MGAT4C: variants seen among roughly 807,000 people sequenced by gnomAD.
MGAT4C encodes the protein MGAT4 family member C, also known as alpha-1,3-mannosyl-glycoprotein 4-beta-N-acetylglucosaminyltransferase C.
MGAT4C carries 19 observed loss-of-function variants against 40.1 expected under a neutral mutation model. The observed-to-expected ratio is 0.47, with a 90% CI of 0.33 to 0.70. MGAT4C has a LOEUF of 0.70. Ranked by LOEUF, MGAT4C falls within the 30% of genes least tolerant of loss-of-function variation. The pLI is 0.02. For missense variants in MGAT4C, 491 were observed against 563.2 expected, an observed-to-expected ratio of 0.87 and a Z score of 1.30; for synonymous variants, 181 against 187.1, an observed-to-expected ratio of 0.97 and a Z score of 0.27.
intron 2 of MGAT4C, among the ~76,000 whole-genome samples, chr12:86,661,553 T>C (rs1963980611): frequency 6.6e-6 from 1 of 152,080 alleles, no homozygotes; most frequent in South Asian, 2.1e-4. Context: ...TAGAAAACAT[T>C]AGTTGATGAA....
intron 3 of MGAT4C, among the ~76,000 whole-genome samples, chr12:86,397,618 T>G (rs954238125): frequency 6.6e-6 from 1 of 152,086 alleles, no homozygotes; most frequent in Non-Finnish European, 1.5e-5. Flanking sequence ...GTATATTAGC[T>G]CCTCATTAAA....
Position 85,973,952 on chromosome 12 carries a change from C to A in MGAT4C, c.*5337G>T, listed in dbSNP as rs1217189523. 6.6e-6 allele frequency: 1 copy of A among 150,850 alleles called. No homozygotes were observed. 9.3% of individuals were successfully genotyped at this position (150,850 alleles called of 1,614,324 possible). A position where few individuals can be genotyped will look rare whatever the true frequency, so the allele number is the denominator to read the frequency against. ...AATATTGGGATTATTGAAGCAAATT[C>A]TACCCTGGACTTGGAGTAAATGTGA... On this transcript the variant is annotated 3_prime_UTR_variant, in exon 5 of 5. Coordinates refer to ENST00000611864, the MANE Select transcript of MGAT4C (RefSeq NM_001351288.2).
chr12:86,774,331 C>CTTTCTTTCTT (rs1555227805), intron 1 of MGAT4C, among the ~76,000 whole-genome samples: 1 of 106,732 alleles, frequency 9.4e-6, no homozygotes, highest in Admixed American at 1.1e-4. Flanking sequence ...TTCTTTCTTT[C>CTTTCTTTCTT]TTTCTTTCTG....
chr12:86,044,128 G>T (rs1368774228), intron 2 of MGAT4C, among the ~76,000 whole-genome samples: 1 of 152,188 alleles, frequency 6.6e-6, no homozygotes, highest in African/African-American at 2.4e-5. Context: ...CTTTCTGGAA[G>T]ATTTTAGGGG....
At chr12:86,299,168 T>G (rs1254087522) in intron 4 of MGAT4C, among the ~76,000 whole-genome samples, 2 of 152,170 alleles carry the variant, frequency 1.3e-5, no homozygotes, top group Non-Finnish European at 2.9e-5. Context: ...CAGGCTGGAG[T>G]GCAGTGGCGC....
chr12:86,782,242 C>T (rs1400623856), intron 1 of MGAT4C, among the ~76,000 whole-genome samples: 1 of 117,038 alleles, frequency 8.5e-6, no homozygotes. Context: ...AGTGCAGTGG[C>T]GGGATCTCGG....
At chr12:86,223,584 C>A (rs1312428320) in intron 1 of MGAT4C, among the ~76,000 whole-genome samples, 6 of 152,150 alleles carry the variant, frequency 3.9e-5, no homozygotes, top group Admixed American at 2.0e-4. Flanking sequence ...GATTACTCAC[C>A]CAGCAGCCTG....
At chr12:86,715,600 C>G (rs1466800003) in intron 2 of MGAT4C, among the ~76,000 whole-genome samples, 2 of 152,036 alleles carry the variant, frequency 1.3e-5, no homozygotes, top group Non-Finnish European at 2.9e-5. Flanking sequence ...ATTTAAGACC[C>G]AAGCTTCAAT....
chr12:86,711,398 A>G (rs1252995061), intron 2 of MGAT4C, among the ~76,000 whole-genome samples: 1 of 152,016 alleles, frequency 6.6e-6, no homozygotes, highest in Non-Finnish European at 1.5e-5. Flanking sequence ...ACTCATATTT[A>G]CGGGGAGATG....
At position 86,445,189 on chromosome 12, in the gene MGAT4C, CA is replaced by C. The variant is rs78234628; in HGVS notation, c.-228-9925del. Among the ~76,000 whole-genome samples the C allele has an allele frequency of 7.9e-3, 1,198 of 152,136 alleles. 23 individuals are homozygous for C. The highest frequency in any genetic ancestry group is 0.063 in the East Asian group (324 of 5,178). ...TAAATATGTGTAGCCTAATTTATGC[CA>C]ATTATACTGCAAATATGACATTTAT... is the stretch of plus-strand genomic sequence containing the variant. On this transcript the variant is annotated intron_variant, in intron 2 of 7. Coordinates refer to the MGAT4C transcript ENST00000548651.
chr12:86,050,120 G>C (rs1892753287), intron 1 of MGAT4C, among the ~76,000 whole-genome samples: 1 of 151,876 alleles, frequency 6.6e-6, no homozygotes, highest in Non-Finnish European at 1.5e-5. Context: ...AAGTACTTCA[G>C]TCCGTATCAC....
chr12:86,380,174 A>T (rs1955902241), intron 3 of MGAT4C, among the ~76,000 whole-genome samples: 1 of 152,140 alleles, frequency 6.6e-6, no homozygotes, highest in African/African-American at 2.4e-5. Context: ...ATAATACTTG[A>T]TCTACATCAC....
intron 2 of MGAT4C, among the ~76,000 whole-genome samples, chr12:86,482,468 G>A (rs920823395): frequency 7.2e-5 from 11 of 151,920 alleles, no homozygotes; most frequent in South Asian, 4.2e-4. Flanking sequence ...TCGGGATAAG[G>A]ATAATCTCTT....
chr12:86,171,144 G>T (rs1269416642), intron 1 of MGAT4C, among the ~76,000 whole-genome samples: 1 of 142,892 alleles, frequency 7.0e-6, no homozygotes, highest in African/African-American at 2.5e-5. Context: ...GGCCGAAGTG[G>T]GTGGATCACG....
At chr12:85,981,353 C>T (rs1884584325) in intron 4 of MGAT4C, among the ~76,000 whole-genome samples, 1 of 152,132 alleles carries the variant, frequency 6.6e-6, no homozygotes, top group Non-Finnish European at 1.5e-5. Flanking sequence ...TTCTAAGCCA[C>T]TATTTAGAAA....
intron 2 of MGAT4C, among the ~76,000 whole-genome samples, chr12:86,577,030 T>G (rs1295130630): frequency 6.6e-6 from 1 of 151,648 alleles, no homozygotes; most frequent in Non-Finnish European, 1.5e-5. Flanking sequence ...AGAGCTCTTC[T>G]TTTGTTATGT....
Position 86,537,810 on chromosome 12 carries a change from G to T in MGAT4C, c.-228-102545C>A, listed in dbSNP as rs1352200925. Among the ~76,000 whole-genome samples the T allele has an allele frequency of 4.6e-5, 7 of 152,146 alleles. No individual in the cohort carries two copies. In the South Asian group the frequency reaches 1.2e-3, roughly 27 times the overall value. On this transcript the variant is annotated intron_variant, in intron 2 of 7. Coordinates refer to the MGAT4C transcript ENST00000548651. ...GATACAAATAATTTTTTTTGGGCCA[G>T]GTGTGGTGGCTCATGCCTGTAATCC...
intron 3 of MGAT4C, among the ~76,000 whole-genome samples, chr12:86,425,710 T>C (rs1337966765): frequency 1.3e-5 from 2 of 152,162 alleles, no homozygotes; most frequent in Non-Finnish European, 2.9e-5. Context: ...AGCCAAAATC[T>C]TGCACCAGCC....
Position 85,959,024 on chromosome 12 carries a change from A to G in MGAT4C, c.*20265T>C. ...TGTTATTAAATCTCTGGTAACCACTATACAATACAATACAATACAATACAA... is the reference window on the plus strand; with the variant it reads ...TGTTATTAAATCTCTGGTAACCACTGTACAATACAATACAATACAATACAA... On this transcript the variant is annotated 3_prime_UTR_variant, in exon 5 of 5. Coordinates refer to ENST00000611864, the MANE Select transcript of MGAT4C (RefSeq NM_001351288.2). 1 of 30,862 alleles carries G rather than the reference A, an allele frequency of 3.2e-5. No individual in the cohort carries two copies. Among genetic ancestry groups the G allele is most frequent in the South Asian group, 6.8e-4 (1 of 1,468 alleles). The allele number at this position is 30,862 out of a possible 1,614,324, so 1.9% of individuals were successfully genotyped here.
Sources: gnomAD v4.1 joint callset for allele counts (sites outside exome capture counted in the v4.1 genomes callset) on GRCh38, gnomAD v4.1.1 for gene constraint, MANE v1.5 for transcripts, NCBI Gene and HGNC (gene_info 2026-07-23, HGNC 2026-07-21) for gene names.